Variants in INCENP observed in about 807,000 individuals in gnomAD.
INCENP encodes binds and activates aurora-B and -C in vivo and in vitro.
INCENP carries 43 observed loss-of-function variants against 107.3 expected under a neutral mutation model. That is an observed-to-expected ratio of 0.40 (90% CI 0.31 to 0.52). The LOEUF (loss-of-function observed/expected upper bound fraction) is 0.52. Among genes scored for constraint, INCENP ranks in the 20% least tolerant of loss-of-function variants. The pLI is 0.53. For synonymous variants in INCENP, 488 were observed against 494.4 expected, an observed-to-expected ratio of 0.99 and a Z score of 0.17; for missense variants, 1,089 against 1,250.9, an observed-to-expected ratio of 0.87 and a Z score of 1.95.
At chr11:62,151,274 G>A (rs11230933) in intron 18 of INCENP, among the ~76,000 whole-genome samples, 45,514 of 152,032 alleles carry the variant, frequency 0.3, 7,235 homozygotes, top group South Asian at 0.46. Flanking sequence ...CAGCCCCGTT[G>A]TCAGGACTGT....
At position 62,152,005 on chromosome 11, in the gene INCENP, C is replaced by T. The variant is rs1412627494; in HGVS notation, c.*29C>T. ...TGGCCTGCGGCCTTCTTGGCAGCCT[C>T]GCCTCCTGTCCATGTCTATCTGTCT... On this transcript the variant is annotated 3_prime_UTR_variant, in exon 19 of 19. Transcript: ENST00000394818. The T allele has an allele frequency of 1.3e-6, 2 of 1,513,712 alleles. No homozygotes were observed. Among genetic ancestry groups the T allele is most frequent in the African/African-American group, 1.4e-5 (1 of 73,070 alleles). The allele number at this position is 1,513,712 out of a possible 1,614,324, so 93.8% of individuals were successfully genotyped here.
At position 62,137,725 on chromosome 11, in the gene INCENP, T is replaced by C. The variant is rs539593660; in HGVS notation, c.1064-107T>C. 85 of 918,202 alleles carry C rather than the reference T, an allele frequency of 9.3e-5. 1 individual carries two copies. The African/African-American group carries it at 1.2e-3, about 13-fold the overall frequency. The allele number at this position is 918,202 out of a possible 1,614,324, so 56.9% of individuals were successfully genotyped here. A position where few individuals can be genotyped will look rare whatever the true frequency, so the allele number is the denominator to read the frequency against. ...ATGGTGGGGGCTCCACGGCTAGTGA[T>C]GGGAGCAGTGGCCAGGCCCTTGCTG... On this transcript the variant is annotated intron_variant, in intron 4 of 18. Transcript: ENST00000394818.
At chr11:62,141,954 A>G (rs1445070424) in intron 11 of INCENP, among the ~76,000 whole-genome samples, 1 of 152,138 alleles carries the variant, frequency 6.6e-6, no homozygotes, top group Non-Finnish European at 1.5e-5. Flanking sequence ...GGGGAGCGCA[A>G]GTGTGGGTCT....
chr11:62,130,621 G>A (rs759787853), intron 4 of INCENP, 31 bp downstream of exon 4: 2 of 1,580,426 alleles, frequency 1.3e-6, no homozygotes, highest in South Asian at 1.2e-5. Context: ...GTGGCGGGTG[G>A]TCCTTGGTGC....
chr11:62,141,656 G>A (rs2134657156), intron 11 of INCENP, 145 bp downstream of exon 11: 1 of 1,117,906 alleles, frequency 8.9e-7, no homozygotes. Flanking sequence ...GGGACGGTGA[G>A]GGGTGCACTG....
At chr11:62,139,183 G>T (rs1370223588) in intron 7 of INCENP, among the ~76,000 whole-genome samples, 178 bp downstream of exon 7, 1 of 152,158 alleles carries the variant, frequency 6.6e-6, no homozygotes, top group Non-Finnish European at 1.5e-5. Flanking sequence ...ACCTCCCACC[G>T]TTGGGCTGGA....
At position 62,145,250 on chromosome 11, in the gene INCENP, T is replaced by A; in HGVS notation, c.1797T>A (p.Ile599=). Residue 599 remains isoleucine (I), a synonymous_variant, in exon 13 of 19, where the codon ATT becomes ATA. Coordinates refer to ENST00000394818, the MANE Select transcript of INCENP (RefSeq NM_001040694.2). ...TGAAGGAGGAGAAGAAGAAGCAGAT[T>A]GAGCAGAAGTTTGCTCAGATCGACG... The part of the protein sequence containing the change: ...EQMKEEKKKQ[I]EQKFAQIDEK... 3 of 1,614,016 alleles carry A rather than the reference T, an allele frequency of 1.9e-6. No homozygotes were observed. The highest frequency in any genetic ancestry group is 2.5e-6 in the Non-Finnish European group (3 of 1,180,016).
At chr11:62,136,805 G>T (rs1264290936) in intron 4 of INCENP, among the ~76,000 whole-genome samples, 1 of 152,174 alleles carries the variant, frequency 6.6e-6, no homozygotes, top group East Asian at 1.9e-4. Flanking sequence ...GCCTTGACTG[G>T]GGCTGAGGCT....
chr11:62,125,834 C>T (rs1346576008), intron 1 of INCENP, among the ~76,000 whole-genome samples: 1 of 152,196 alleles, frequency 6.6e-6, no homozygotes, highest in Admixed American at 6.5e-5. Flanking sequence ...CCTCAGAGAG[C>T]AATTGTTTAG....
intron 14 of INCENP, among the ~76,000 whole-genome samples, chr11:62,146,164 G>C (rs1944238535): frequency 6.6e-6 from 1 of 152,158 alleles, no homozygotes; most frequent in South Asian, 2.1e-4. Context: ...CCCCCTGACT[G>C]TTCTGCCTAT....
rs34396398 is a variant in INCENP, at chr11:62,151,912, A to G, written c.2693A>G (p.Asn898Ser). The change falls in exon 19 of 19, where the codon AAC (asparagine) becomes AGC (serine). Residue 898 changes from asparagine (N) to serine (S), a missense_variant. Physicochemically the swap from Asn to Ser is conservative, Grantham distance 46. Transcript: ENST00000394818. ...YHKRTSSAVW[N>S]SPPLQGARVP... is the part of the protein sequence containing the mutation. ...AAGCGCACCAGCTCTGCTGTCTGGA[A>G]CTCACCGCCCCTGCAGGGCGCCAGG... is the stretch of plus-strand genomic sequence containing the variant. The G allele has an allele frequency of 5.1e-5, 83 of 1,613,722 alleles. No homozygotes were observed. In the African/African-American group the frequency reaches 1.0e-3, roughly 19 times the overall value.
At chr11:62,138,668 TG>T in intron 5 of INCENP, 44 bp from the exon 6 acceptor site, 2 of 1,586,238 alleles carry the variant, frequency 1.3e-6, no homozygotes, top group Non-Finnish European at 8.7e-7. Context: ...GGGGAGGGCT[TG>T]GACTAGCTGG....
rs770243782 is a variant in INCENP, at chr11:62,151,782, A to G, written c.2563A>G (p.Ile855Val). 25 of 1,614,012 alleles carry G rather than the reference A, an allele frequency of 1.5e-5. No individual in the cohort carries two copies. In the South Asian group the frequency reaches 2.5e-4, roughly 16 times the overall value. Residue 855 changes from isoleucine (I) to valine (V), a missense_variant, in exon 19 of 19, where the codon ATC (isoleucine) becomes GTC (valine). Coordinates refer to ENST00000394818, the MANE Select transcript of INCENP (RefSeq NM_001040694.2). The part of the protein sequence containing the change: ...WARGTPLSQA[I>V]IHQYYHPPNL... ...TGCAGGCACCCCGCTCAGCCAGGCT[A>G]TCATTCACCAGTACTACCACCCACC... is the stretch of plus-strand genomic sequence containing the variant.
chr11:62,135,507 G>A (rs551118420), intron 4 of INCENP, among the ~76,000 whole-genome samples: 21 of 152,152 alleles, frequency 1.4e-4, no homozygotes, highest in Admixed American at 7.2e-4. Context: ...CAAATCATCC[G>A]TCTGCCTCGG....
intron 15 of INCENP, among the ~76,000 whole-genome samples, chr11:62,148,162 C>T (rs1177567817): frequency 2.0e-5 from 3 of 152,160 alleles, no homozygotes; most frequent in Non-Finnish European, 2.9e-5. Context: ...ATTTGATTCT[C>T]ATGTTGACCC....
intron 1 of INCENP, among the ~76,000 whole-genome samples, chr11:62,127,048 T>G (rs570814739): frequency 6.6e-5 from 10 of 151,790 alleles, no homozygotes; most frequent in South Asian, 4.2e-4. Context: ...GTTTTGTTTT[T>G]TTTTTTTTGA....
At chr11:62,141,218 G>A (rs1188949873) in intron 10 of INCENP, among the ~76,000 whole-genome samples, 174 bp downstream of exon 10, 1 of 152,206 alleles carries the variant, frequency 6.6e-6, no homozygotes, top group Admixed American at 6.5e-5. Flanking sequence ...TGACCTCTGA[G>A]GGCACTGTCC....
At position 62,141,521 on chromosome 11, in the gene INCENP, GC is replaced by G. The variant is rs747389665; in HGVS notation, c.1605+12del. 3 of 1,614,032 alleles carry G rather than the reference GC, an allele frequency of 1.9e-6. No homozygotes were observed. The highest frequency in any genetic ancestry group is 2.5e-6 in the Non-Finnish European group (3 of 1,179,880). ...ACAGTGCAGCTTCGTCGTAAGTAAAGCCTTTTCCTGTCGGTAACCTCGCCCC... is the reference window on the plus strand; with the variant it reads ...ACAGTGCAGCTTCGTCGTAAGTAAAGCTTTTCCTGTCGGTAACCTCGCCCC... On this transcript the variant is annotated intron_variant, in intron 11 of 18. Coordinates refer to ENST00000394818, the MANE Select transcript of INCENP (RefSeq NM_001040694.2).
At chr11:62,126,877 C>T (rs1052123466) in intron 1 of INCENP, among the ~76,000 whole-genome samples, 4 of 152,076 alleles carry the variant, frequency 2.6e-5, no homozygotes, top group Admixed American at 1.3e-4. Flanking sequence ...GGAATAATGA[C>T]AAGGGAAAAG....
Sources: gnomAD v4.1 joint callset for allele counts (sites outside exome capture counted in the v4.1 genomes callset) on GRCh38, gnomAD v4.1.1 for gene constraint, MANE v1.5 for transcripts, NCBI Gene and HGNC (gene_info 2026-07-23, HGNC 2026-07-21) for gene names.